The following CST1 variants were observed in gnomAD, a reference collection of about 807,000 sequenced individuals.
The protein encoded by CST1 is cystatin-SN.
In CST1, 19 loss-of-function variants were observed where a neutral mutation model predicts 10.7. That is an observed-to-expected ratio of 1.78 (90% CI 1.24 to 2.61). The LOEUF is 2.61. CST1 is among the 30% of genes most tolerant of loss of function. The probability of loss-of-function intolerance (pLI) is 0.00; values close to 1 mark genes in which losing one functional copy is unlikely to be tolerated. For synonymous variants in CST1, 95 were observed against 72.8 expected (o/e 1.31, Z -1.55); for missense variants, 247 against 178.1 (o/e 1.39, Z -2.20).
rs1982800630 is a variant in CST1, at chr20:23,750,505, G to C, written c.228+134C>G. The C allele has an allele frequency of 3.5e-6, 3 of 857,638 alleles. No homozygotes were observed. In the South Asian group the frequency reaches 5.0e-5, roughly 14 times the overall value. 53.1% of individuals were successfully genotyped at this position (857,638 alleles called of 1,614,324 possible). A position where few individuals can be genotyped will look rare whatever the true frequency, so the allele number is the denominator to read the frequency against. On this transcript the variant is annotated intron_variant, in intron 1 of 2. Transcript: ENST00000304749. ...CTTAGGCATGAAGGGCATCAGCGGA[G>C]AGCCAGGGAAAGCTGAATGAATCTG...
chr20:23,747,995 G>A, intron 2 of CST1, 96 bp from the exon 3 acceptor site: 1 of 1,234,976 alleles, frequency 8.1e-7, no homozygotes, highest in South Asian at 1.3e-5. Context: ...GAGGAGGATG[G>A]AGGTGAGACA....
chr20:23,747,726 C>T lies in CST1; in HGVS notation c.*90G>A. ...TGGCGCAGGCACATGGGGAGGCCTCCCGCAGGGTGGGGGCCACCAGTCCAG... is the reference window on the plus strand; with the variant it reads ...TGGCGCAGGCACATGGGGAGGCCTCTCGCAGGGTGGGGGCCACCAGTCCAG... On this transcript the variant is annotated 3_prime_UTR_variant, in exon 3 of 3. Coordinates refer to ENST00000304749, the MANE Select transcript of CST1 (RefSeq NM_001898.3). 2.3e-6 allele frequency: 3 copies of T among 1,323,222 alleles called. No individual in the cohort carries two copies. In the South Asian group the frequency reaches 3.9e-5, roughly 17 times the overall value. 82.0% of individuals were successfully genotyped at this position (1,323,222 alleles called of 1,614,324 possible). A position where few individuals can be genotyped will look rare whatever the true frequency, so the allele number is the denominator to read the frequency against.
chr20:23,750,826 G>C lies in CST1; in HGVS notation c.41C>G (p.Thr14Ser). Residue 14 changes from threonine to serine, a missense_variant, in exon 1 of 3, where the codon ACC (threonine) becomes AGC (serine). By Grantham distance (58) the Thr-to-Ser change is moderately conservative. Transcript: ENST00000304749. ...GCTCCAGGCCAGGGCCACAGCTAGG[G>C]TGGCCAGCAGGAGCAGCAGGGTACT... ...YLSTLLLLLATLAVALAWSPK... is the reference protein window; with the variant it reads ...YLSTLLLLLASLAVALAWSPK... 6.2e-7 allele frequency: 1 copy of C among 1,613,890 alleles called. No individual in the cohort carries two copies. The highest frequency in any genetic ancestry group is 8.5e-7 in the Non-Finnish European group (1 of 1,179,912).
intron 2 of CST1, among the ~76,000 whole-genome samples, chr20:23,748,154 G>A (rs2122666985): frequency 1.3e-5 from 2 of 152,274 alleles, no homozygotes; most frequent in Middle Eastern, 6.8e-3. Flanking sequence ...ACAGCCCTGT[G>A]AGGAGTAGCC....
chr20:23,750,775 G>A lies in CST1; in HGVS notation c.92C>T (p.Pro31Leu), dbSNP rs2070856. The change falls in exon 1 of 3, where the codon CCG becomes CTG. Residue 31 changes from proline (P) to leucine (L), a missense_variant. Pro to Leu is a moderately conservative substitution (Grantham distance 98, BLOSUM62 -3). Coordinates refer to ENST00000304749, the MANE Select transcript of CST1 (RefSeq NM_001898.3). ...WSPKEEDRII[P>L]GGIYNADLND... is the part of the protein sequence containing the mutation. ...GAGGTCTGCGTTATAGATGCCACCC[G>A]GGATTATCCTATCCTCCTCCTTGGG... 234,718 of 1,613,842 alleles carry A rather than the reference G, an allele frequency of 0.15. 19,097 individuals are homozygous for A. The highest frequency in any genetic ancestry group is 0.3 in the South Asian group (27,640 of 91,060).
At chr20:23,750,555 T>G in intron 1 of CST1, 84 bp downstream of exon 1, 1 of 1,184,214 alleles carries the variant, frequency 8.4e-7, no homozygotes, top group Non-Finnish European at 1.2e-6. Context: ...AATGTATCAG[T>G]GTTGATTTGC....
rs941657827 is a variant in CST1, at chr20:23,747,693, C to G, written c.*123G>C. 10 of 837,716 alleles carry G rather than the reference C, an allele frequency of 1.2e-5. No homozygotes were observed. The highest frequency in any genetic ancestry group is 1.1e-4 in the Admixed American group (5 of 44,200). 51.9% of individuals were successfully genotyped at this position (837,716 alleles called of 1,614,324 possible). On this transcript the variant is annotated 3_prime_UTR_variant, in exon 3 of 3. Transcript: ENST00000304749. ...AAAGGACTCCTGCAGCCTTCTCTGTCTGTCTCTTGGCGCAGGCACATGGGG... is the reference window on the plus strand; with the variant it reads ...AAAGGACTCCTGCAGCCTTCTCTGTGTGTCTCTTGGCGCAGGCACATGGGG...
chr20:23,750,015 C>T (rs1982785376), intron 1 of CST1, among the ~76,000 whole-genome samples: 2 of 151,656 alleles, frequency 1.3e-5, no homozygotes, highest in South Asian at 4.2e-4. Context: ...TCAAGCTGGG[C>T]CCAGTTGCCC....
At chr20:23,749,238 A>G (rs1298505178) in intron 1 of CST1, 109 bp from the exon 2 acceptor site, 1 of 864,408 alleles carries the variant, frequency 1.2e-6, no homozygotes, top group African/African-American at 1.6e-5. Flanking sequence ...AGCTGCCCAC[A>G]TGTCAACACA....
intron 1 of CST1, 72 bp from the exon 2 acceptor site, chr20:23,749,201 T>C (rs1435442156): frequency 7.7e-7 from 1 of 1,303,856 alleles, no homozygotes; most frequent in Non-Finnish European, 1.1e-6. Flanking sequence ...TGTGGCTGAG[T>C]CACTGGACTT....
rs569886383 is a variant in CST1, at chr20:23,750,889, A to G, written c.-23T>C. 49 of 1,580,284 alleles carry G rather than the reference A, an allele frequency of 3.1e-5. No individual in the cohort carries two copies. Among genetic ancestry groups the G allele is most frequent in the South Asian group, 2.7e-4 (24 of 87,628 alleles). ...CATGGTCTCCTCAGAGGCAGAGCACAAAGCTGGAGCTGCAGGAGAGGAGGG... is the reference window on the plus strand; with the variant it reads ...CATGGTCTCCTCAGAGGCAGAGCACGAAGCTGGAGCTGCAGGAGAGGAGGG... On this transcript the variant is annotated 5_prime_UTR_variant, in exon 1 of 3. Transcript: ENST00000304749.
Position 23,747,872 on chromosome 20 carries a change from C to T in CST1, c.370G>A (p.Glu124Lys), listed in dbSNP as rs367602743. 7.4e-6 allele frequency: 12 copies of T among 1,613,704 alleles called. No homozygotes were observed. The highest frequency in any genetic ancestry group is 5.3e-5 in the African/African-American group (4 of 74,850). Reference sequence around the variant, plus strand: ...GACCTTCTGTTCTCCCAGGGAACTTCGTAGATCTCGAAAGAGCACAACTGT... The same window carrying T: ...GACCTTCTGTTCTCCCAGGGAACTTTGTAGATCTCGAAAGAGCACAACTGT... ...KKQLCSFEIY[E>K]VPWENRRSLV... Residue 124 changes from glutamate (E) to lysine (K), a missense_variant, in exon 3 of 3, where the codon GAA becomes AAA. Glu to Lys is a moderately conservative substitution (Grantham distance 56). Coordinates refer to ENST00000304749, the MANE Select transcript of CST1 (RefSeq NM_001898.3).
intron 2 of CST1, among the ~76,000 whole-genome samples, chr20:23,748,209 C>T (rs534585539): frequency 1.6e-4 from 24 of 152,180 alleles, no homozygotes; most frequent in East Asian, 1.9e-4. Context: ...CATGGGGAGG[C>T]AGCTCAGTTC....
Position 23,750,716 on chromosome 20 carries a change from C to G in CST1, c.151G>C (p.Ala51Pro). The G allele has an allele frequency of 3.1e-6, 5 of 1,614,080 alleles. No homozygotes were observed. The highest frequency in any genetic ancestry group is 1.1e-5 in the South Asian group (1 of 91,072). Residue 51 changes from alanine to proline, a missense_variant, in exon 1 of 3, where the codon GCC becomes CCC. By Grantham distance (27) the Ala-to-Pro change is conservative. Transcript: ENST00000304749. The part of the protein sequence containing the change: ...DEWVQRALHF[A>P]ISEYNKATKD... ...GTGGCCTTGTTATACTCGCTGATGG[C>G]GAAGTGAAGGGCACGCTGTACCCAC... is the stretch of plus-strand genomic sequence containing the variant.
In CST1 at chr20:23,748,898, G is replaced by A. The variant is rs911856284; in HGVS notation, c.342+118C>T. On this transcript the variant is annotated intron_variant, in intron 2 of 2. Transcript: ENST00000304749. The stretch of plus-strand genomic sequence containing the variant: ...AACACGTACACATCCATGCATACAC[G>A]GCTCCCCACATACCCACCTGCACAC... The A allele has an allele frequency of 2.0e-5, 15 of 736,432 alleles. 1 individual carries two copies. Among genetic ancestry groups the A allele is most frequent in the Middle Eastern group, 3.0e-4 (1 of 3,320 alleles). The allele number at this position is 736,432 out of a possible 1,614,324, so 45.6% of individuals were successfully genotyped here. A position where few individuals can be genotyped will look rare whatever the true frequency, so the allele number is the denominator to read the frequency against.
At chr20:23,749,153 A>C (rs1982760518) in intron 1 of CST1, 24 bp from the exon 2 acceptor site, 2 of 1,610,752 alleles carry the variant, frequency 1.2e-6, no homozygotes. Context: ...AAAACAGGAC[A>C]GCGCCCCCAT....
At chr20:23,749,764 T>G (rs945868456) in intron 1 of CST1, among the ~76,000 whole-genome samples, 7 of 151,550 alleles carry the variant, frequency 4.6e-5, no homozygotes, top group Admixed American at 1.3e-4. Flanking sequence ...AATAGGCTTC[T>G]GGGCCTGATG....
intron 1 of CST1, among the ~76,000 whole-genome samples, chr20:23,749,354 GCTGT>G (rs1202197020): frequency 2.6e-5 from 4 of 152,184 alleles, no homozygotes; most frequent in Non-Finnish European, 5.9e-5. Context: ...ATTGAATTCT[GCTGT>G]CTGTGGCTCA....
At chr20:23,748,979 G>C (rs1388310062) in intron 2 of CST1, 37 bp downstream of exon 2, 1 of 1,613,334 alleles carries the variant, frequency 6.2e-7, no homozygotes, top group East Asian at 2.2e-5. Context: ...CCCCTCTGCA[G>C]TGCATGACTG....
Sources: allele counts gnomAD v4.1 joint callset (sites outside exome capture counted in the v4.1 genomes callset), GRCh38; gene constraint gnomAD v4.1.1; transcripts MANE v1.5; gene names NCBI Gene and HGNC (gene_info 2026-07-23, HGNC 2026-07-21).